The following SLFN5 variants were observed in gnomAD, a reference collection of about 807,000 sequenced individuals.
SLFN5 encodes schlafen family member 5.
A neutral mutation model predicts 48.5 loss-of-function variants in SLFN5; 34 were observed. The observed-to-expected ratio is 0.70, with a 90% confidence interval of 0.53 to 0.93. The LOEUF (loss-of-function observed/expected upper bound fraction) is 0.93. Among genes scored for constraint, SLFN5 ranks in the 40% least tolerant of loss-of-function variants. SLFN5 has a pLI of 0.00. For missense variants in SLFN5, 1,006 were observed against 1,071.3 expected (o/e 0.94, Z 0.85); for synonymous variants, 387 against 396.2 (o/e 0.98, Z 0.28).
rs756220730 is a variant in SLFN5 at position 35,264,313 on chromosome 17, A to G, written c.1269A>G (p.Gln423=). 5 of 1,614,152 alleles carry G rather than the reference A, an allele frequency of 3.1e-6. No homozygotes were observed. The highest frequency in any genetic ancestry group is 1.7e-5 in the Admixed American group (1 of 60,002). ...PFSQGILIFS[Q]SWAVDLGLQE... ...CTCAAGGAATATTGATTTTTTCTCA[A>G]AGCTGGGCTGTGGATTTAGGTCTGC... is the stretch of plus-strand genomic sequence containing the variant. The change falls in exon 4 of 5, where the codon CAA becomes CAG. Residue 423 remains glutamine (Q), a synonymous_variant. Transcript: ENST00000299977.
At position 35,265,795 on chromosome 17, in the gene SLFN5, A is replaced by G; in HGVS notation, c.2583A>G (p.Pro861=). 1.2e-6 allele frequency: 2 copies of G among 1,614,224 alleles called. No homozygotes were observed. The highest frequency in any genetic ancestry group is 1.7e-6 in the Non-Finnish European group (2 of 1,180,040). ...GAAATATCGTGTTTGGAATCAATCC[A>G]GGAGTAGCCCCACCGGCTGGGGCCT... The part of the protein sequence containing the change: ...LERNIVFGIN[P]GVAPPAGAYN... Residue 861 remains proline, a synonymous_variant, in exon 5 of 5, where the codon CCA becomes CCG. Transcript: ENST00000299977.
chr17:35,268,476 G>A lies in SLFN5; in HGVS notation c.*2588G>A, dbSNP rs920452517. 1.3e-5 allele frequency: 2 copies of A among 152,346 alleles called. No individual in the cohort carries two copies. Among genetic ancestry groups the A allele is most frequent in the Admixed American group, 6.5e-5 (1 of 15,298 alleles). The allele number at this position is 152,346 out of a possible 1,614,324, so 9.4% of individuals were successfully genotyped here. On this transcript the variant is annotated 3_prime_UTR_variant, in exon 5 of 5. Coordinates refer to ENST00000299977, the MANE Select transcript of SLFN5 (RefSeq NM_144975.4). ...TCACGCCTGTAATCTCAGCATTTTG[G>A]TAGGCCAAGGCAGGTGGATCACCTG...
In SLFN5 at chr17:35,259,087, G is replaced by C; in HGVS notation, c.397G>C (p.Ala133Pro). The part of the protein sequence containing the change: ...TSTDVMDSQE[A>P]LAFLKCRTQT... ...CACCGATGTCATGGATTCTCAGGAAGCTCTGGCATTCCTCAAATGCAGGAC... is the reference window on the plus strand; with the variant it reads ...CACCGATGTCATGGATTCTCAGGAACCTCTGGCATTCCTCAAATGCAGGAC... Residue 133 changes from alanine (A) to proline (P), a missense_variant, in exon 2 of 5, where the codon GCT (alanine) becomes CCT (proline). Physicochemically the swap from Ala to Pro is conservative, Grantham distance 27. Transcript: ENST00000299977. 6.2e-7 allele frequency: 1 copy of C among 1,614,180 alleles called. No individual in the cohort carries two copies. The highest frequency in any genetic ancestry group is 2.2e-5 in the East Asian group (1 of 44,894).
chr17:35,244,632 A>C (rs1447874656), intron 1 of SLFN5, among the ~76,000 whole-genome samples: 1 of 152,158 alleles, frequency 6.6e-6, no homozygotes, highest in Non-Finnish European at 1.5e-5. Context: ...TATTCATTTA[A>C]ATGTCACAAG....
rs1176438695 is a variant in SLFN5, at chr17:35,271,282, G to A, written c.*5394G>A. On this transcript the variant is annotated 3_prime_UTR_variant, in exon 5 of 5. Coordinates refer to ENST00000299977, the MANE Select transcript of SLFN5 (RefSeq NM_144975.4). ...CCAAGTCAGAAAAACTATTCATATA[G>A]GGATGGGCTATTAGCAAGAGTATAT... 3 of 152,120 alleles carry A rather than the reference G, an allele frequency of 2.0e-5. No homozygotes were observed. The highest frequency in any genetic ancestry group is 7.2e-5 in the African/African-American group (3 of 41,440). 9.4% of individuals were successfully genotyped at this position (152,120 alleles called of 1,614,324 possible). A position where few individuals can be genotyped will look rare whatever the true frequency, so the allele number is the denominator to read the frequency against.
intron 3 of SLFN5, 46 bp from the exon 4 acceptor site, chr17:35,264,137 C>G: frequency 6.6e-7 from 1 of 1,526,254 alleles, no homozygotes; most frequent in Non-Finnish European, 8.7e-7. Context: ...TGATTACTAG[C>G]TTGTCTGAGG....
chr17:35,258,905 A>ATGGAGTAGGAT lies in SLFN5; in HGVS notation c.220_230dup (p.Asp77GlufsTer2). 6.2e-7 allele frequency: 1 copy of ATGGAGTAGGAT among 1,614,246 alleles called. No individual in the cohort carries two copies. The highest frequency in any genetic ancestry group is 1.3e-5 in the African/African-American group (1 of 75,066). ...AACAAAGGCTACAATTATGAACGTC[A>ATGGAGTAGGAT]TGGAGTAGGATTGGATGTGCCTCCA... is the stretch of plus-strand genomic sequence containing the variant. On this transcript the variant is annotated frameshift_variant, in exon 2 of 5. Coordinates refer to ENST00000299977, the MANE Select transcript of SLFN5 (RefSeq NM_144975.4). LOFTEE classifies it high-confidence loss of function.
At chr17:35,249,611 T>C (rs1423120989) in intron 1 of SLFN5, among the ~76,000 whole-genome samples, 4 of 152,204 alleles carry the variant, frequency 2.6e-5, no homozygotes, top group African/African-American at 9.7e-5. Flanking sequence ...AAGCCACATA[T>C]TTATTCCATC....
chr17:35,251,466 C>T (rs113387032), intron 1 of SLFN5, among the ~76,000 whole-genome samples: 1 of 152,120 alleles, frequency 6.6e-6, no homozygotes, highest in Non-Finnish European at 1.5e-5. Flanking sequence ...AGTGCAGTGG[C>T]GCGATCTCGG....
At chr17:35,254,724 T>G (rs899730540) in intron 1 of SLFN5, among the ~76,000 whole-genome samples, 1 of 125,020 alleles carries the variant, frequency 8.0e-6, no homozygotes, top group Non-Finnish European at 1.6e-5. Context: ...AGGTTTAAAT[T>G]TCTGGATTTC....
Position 35,269,046 on chromosome 17 carries a change from G to A in SLFN5, c.*3158G>A, listed in dbSNP as rs1252317311. ...TTTGTCTTATTTTGCAATTGTTTCA[G>A]GAGGGAGGATAAATATGGTCCCTGT... On this transcript the variant is annotated 3_prime_UTR_variant, in exon 5 of 5. Coordinates refer to ENST00000299977, the MANE Select transcript of SLFN5 (RefSeq NM_144975.4). 2 of 152,162 alleles carry A rather than the reference G, an allele frequency of 1.3e-5. No individual in the cohort carries two copies. The highest frequency in any genetic ancestry group is 2.1e-4 in the South Asian group (1 of 4,830). The allele number at this position is 152,162 out of a possible 1,614,324, so 9.4% of individuals were successfully genotyped here. A position where few individuals can be genotyped will look rare whatever the true frequency, so the allele number is the denominator to read the frequency against.
rs1231484713 is a variant in SLFN5 at position 35,265,466 on chromosome 17, C to T, written c.2254C>T (p.Gln752Ter). 1 of 1,614,218 alleles carries T rather than the reference C, an allele frequency of 6.2e-7. No individual in the cohort carries two copies. The highest frequency in any genetic ancestry group is 1.7e-5 in the Admixed American group (1 of 60,030). Residue 752 changes from glutamine to a stop codon, truncating the protein, a stop_gained, in exon 5 of 5, where the codon CAA becomes TAA. Coordinates refer to ENST00000299977, the MANE Select transcript of SLFN5 (RefSeq NM_144975.4). LOFTEE classifies it low-confidence loss of function (END_TRUNC). ...LVMLYEPKWA[Q>*]GVPGNLEIIE... The stretch of plus-strand genomic sequence containing the variant: ...GATGCTCTATGAACCTAAATGGGCT[C>T]AAGGTGTCCCAGGCAACTTAGAGAT...
rs1463335800 is a variant in SLFN5 at position 35,267,719 on chromosome 17, C to G, written c.*1831C>G. The G allele has an allele frequency of 6.6e-6, 1 of 151,828 alleles. No individual in the cohort carries two copies. The highest frequency in any genetic ancestry group is 1.5e-5 in the Non-Finnish European group (1 of 68,050). The allele number at this position is 151,828 out of a possible 1,614,324, so 9.4% of individuals were successfully genotyped here. A position where few individuals can be genotyped will look rare whatever the true frequency, so the allele number is the denominator to read the frequency against. Reference sequence around the variant, plus strand: ...TGGGTGACAGAACAAGACCCTGTCTCCAAAAATTAAATAAATAAAACAAAA... The same window carrying G: ...TGGGTGACAGAACAAGACCCTGTCTGCAAAAATTAAATAAATAAAACAAAA... On this transcript the variant is annotated 3_prime_UTR_variant, in exon 5 of 5. Transcript: ENST00000299977.
Position 35,259,615 on chromosome 17 carries a change from G to C in SLFN5, c.925G>C (p.Val309Leu), listed in dbSNP as rs997754210. Residue 309 changes from valine (V) to leucine (L), a missense_variant, in exon 2 of 5, where the codon GTG becomes CTG. Transcript: ENST00000299977. ...EKFCCAVFAK[V>L]PSSWQVKDNR... ...ATTCTGCTGTGCGGTGTTTGCCAAAGTGCCTAGTTCCTGGCAGGTGAAGGA... is the reference window on the plus strand; with the variant it reads ...ATTCTGCTGTGCGGTGTTTGCCAAACTGCCTAGTTCCTGGCAGGTGAAGGA... 2.2e-5 allele frequency: 36 copies of C among 1,608,690 alleles called. No individual in the cohort carries two copies. The highest frequency in any genetic ancestry group is 3.0e-5 in the Non-Finnish European group (35 of 1,179,974).
At chr17:35,254,078 A>C (rs1469207254) in intron 1 of SLFN5, among the ~76,000 whole-genome samples, 1 of 152,130 alleles carries the variant, frequency 6.6e-6, no homozygotes, top group Non-Finnish European at 1.5e-5. Context: ...TATCAGAACA[A>C]TATTCGGAGT....
chr17:35,257,522 A>T (rs1018734089), intron 1 of SLFN5, among the ~76,000 whole-genome samples: 1 of 150,622 alleles, frequency 6.6e-6, no homozygotes, highest in African/African-American at 2.4e-5. Flanking sequence ...TGGATCTCAG[A>T]TCCTTTGTTC....
At chr17:35,256,075 T>C (rs982909684) in intron 1 of SLFN5, among the ~76,000 whole-genome samples, 1 of 152,260 alleles carries the variant, frequency 6.6e-6, no homozygotes, top group Non-Finnish European at 1.5e-5. Context: ...ATAGTGCATG[T>C]AGGCTGGGCG....
intron 1 of SLFN5, among the ~76,000 whole-genome samples, chr17:35,244,594 T>G (rs2092426568): frequency 6.6e-6 from 1 of 152,170 alleles, no homozygotes; most frequent in African/African-American, 2.4e-5. Flanking sequence ...GACAAGCAAT[T>G]CAGTGTGATA....
chr17:35,249,238 C>G (rs34670000), intron 1 of SLFN5, among the ~76,000 whole-genome samples: 1 of 151,860 alleles, frequency 6.6e-6, no homozygotes, highest in Non-Finnish European at 1.5e-5. Flanking sequence ...TAACACCAAG[C>G]AGAACATTTT....
Sources: gnomAD v4.1 joint callset for allele counts (sites outside exome capture counted in the v4.1 genomes callset) on GRCh38, gnomAD v4.1.1 for gene constraint, MANE v1.5 for transcripts, NCBI Gene and HGNC (gene_info 2026-07-23, HGNC 2026-07-21) for gene names.